R3HDM1: variants seen among roughly 807,000 people sequenced by gnomAD.
R3HDM1 encodes the protein R3H domain containing 1.
A neutral mutation model predicts 141.1 loss-of-function variants in R3HDM1; 46 were observed. The ratio of observed to expected loss-of-function variants is 0.33; its 90% CI spans 0.26 to 0.42. The LOEUF (loss-of-function observed/expected upper bound fraction) is 0.42, where lower values mean the gene tolerates loss of function less well. Among genes scored for constraint, R3HDM1 ranks in the 10% least tolerant of loss-of-function variants. The pLI is 1.00. For missense variants in R3HDM1, 1,184 were observed against 1,368.3 expected (o/e 0.87, Z 2.12); for synonymous variants, 435 against 472.9 (o/e 0.92, Z 1.04).
At chr2:135,578,501 G>A (rs1442400303) in intron 1 of R3HDM1, among the ~76,000 whole-genome samples, 1 of 152,086 alleles carries the variant, frequency 6.6e-6, no homozygotes, top group Admixed American at 6.6e-5. Flanking sequence ...AATTTTTTAC[G>A]TAGTCTCCAG....
intron 20 of R3HDM1, among the ~76,000 whole-genome samples, chr2:135,677,454 A>G (rs1391115084): frequency 2.0e-5 from 3 of 152,126 alleles, no homozygotes; most frequent in Admixed American, 1.3e-4. Flanking sequence ...TGGTTCTACT[A>G]TCTAATCCAA....
chr2:135,566,629 T>G, intron 1 of R3HDM1: 1 of 383,874 alleles, frequency 2.6e-6, no homozygotes, highest in Non-Finnish European at 3.6e-6. Flanking sequence ...TACCAGTATA[T>G]TTTCTTCTTC....
chr2:135,687,903 A>G (rs1268303419), intron 21 of R3HDM1, among the ~76,000 whole-genome samples: 2 of 152,258 alleles, frequency 1.3e-5, no homozygotes, highest in East Asian at 3.8e-4. Flanking sequence ...AGTTACATAA[A>G]GAAAAATATG....
At chr2:135,663,846 G>A (rs2067092811) in intron 19 of R3HDM1, among the ~76,000 whole-genome samples, 1 of 152,064 alleles carries the variant, frequency 6.6e-6, no homozygotes, top group African/African-American at 2.4e-5. Context: ...GGCCAACATT[G>A]TGAAACCCTG....
intron 1 of R3HDM1, chr2:135,534,010 G>A: frequency 1.0e-6 from 1 of 985,274 alleles, no homozygotes; most frequent in African/African-American, 1.7e-5. Flanking sequence ...ATATGCTGAG[G>A]GTGTTGTTGC....
chr2:135,598,243 G>A (rs1294194367), intron 1 of R3HDM1, among the ~76,000 whole-genome samples: 1 of 152,062 alleles, frequency 6.6e-6, no homozygotes, highest in Non-Finnish European at 1.5e-5. Context: ...ATCATCACAG[G>A]CGATAGGAGG....
chr2:135,617,639 A>G (rs1246916610), intron 5 of R3HDM1, among the ~76,000 whole-genome samples: 2 of 152,246 alleles, frequency 1.3e-5, no homozygotes, highest in African/African-American at 2.4e-5. Flanking sequence ...TGCTATGACT[A>G]CTTTTCTGTT....
At chr2:135,682,478 CCCCTATAGTGAG>C (rs1377438994) in intron 21 of R3HDM1, among the ~76,000 whole-genome samples, 1 of 152,120 alleles carries the variant, frequency 6.6e-6, no homozygotes, top group African/African-American at 2.4e-5. Context: ...TATGTTCCTG[CCCCTATAGTGAG>C]CCTTATTTTA....
chr2:135,666,082 A>G (rs769597246), intron 19 of R3HDM1, among the ~76,000 whole-genome samples: 1 of 152,176 alleles, frequency 6.6e-6, no homozygotes, highest in Non-Finnish European at 1.5e-5. Context: ...TTCCAAGTTG[A>G]TTAAGCTTTG....
chr2:135,583,243 A>AT (rs200649600), intron 1 of R3HDM1, among the ~76,000 whole-genome samples: 38 of 151,470 alleles, frequency 2.5e-4, no homozygotes, highest in East Asian at 3.9e-4. Flanking sequence ...CATAATACTG[A>AT]TTTTTTTTTC....
chr2:135,704,767 A>C (rs548600414), intron 21 of R3HDM1, among the ~76,000 whole-genome samples: 56 of 152,224 alleles, frequency 3.7e-4, no homozygotes, highest in Non-Finnish European at 4.4e-4. Context: ...CCTCTTACAG[A>C]GTTTTAATGT....
intron 1 of R3HDM1, chr2:135,584,456 T>C: frequency 8.2e-6 from 7 of 858,692 alleles, no homozygotes; most frequent in Non-Finnish European, 9.8e-6. Context: ...ACCTGTTTCA[T>C]ATTTGTGTTT....
At chr2:135,592,566 A>G (rs982276911) in intron 1 of R3HDM1, among the ~76,000 whole-genome samples, 5 of 152,104 alleles carry the variant, frequency 3.3e-5, no homozygotes, top group Non-Finnish European at 5.9e-5. Flanking sequence ...GAAACAAACA[A>G]AAAAAACTAT....
chr2:135,563,305 ATCT>A (rs764001867), intron 1 of R3HDM1, among the ~76,000 whole-genome samples: 3 of 152,150 alleles, frequency 2.0e-5, no homozygotes, highest in Non-Finnish European at 4.4e-5. Flanking sequence ...AGCAAGAAAA[ATCT>A]TCTTTTTTCT....
intron 7 of R3HDM1, among the ~76,000 whole-genome samples, chr2:135,626,576 A>G (rs543051854): frequency 6.6e-6 from 1 of 152,276 alleles, no homozygotes; most frequent in South Asian, 2.1e-4. Flanking sequence ...TCAGCAAGGA[A>G]CAAAGATTAT....
At chr2:135,578,111 C>G (rs547792996) in intron 1 of R3HDM1, among the ~76,000 whole-genome samples, 1 of 152,266 alleles carries the variant, frequency 6.6e-6, no homozygotes, top group South Asian at 2.1e-4. Flanking sequence ...CAAAATATTG[C>G]AAGTAGCCTA....
At chr2:135,650,558 G>A in intron 17 of R3HDM1, 9 of 982,678 alleles carry the variant, frequency 9.2e-6, no homozygotes, top group Non-Finnish European at 1.1e-5. Flanking sequence ...TTTCCAAGGT[G>A]ACTCTGAGAG....
At position 135,684,311 on chromosome 2, in the gene R3HDM1, A is replaced by G. The variant is rs138344810; in HGVS notation, c.2459+3987A>G. On this transcript the variant is annotated intron_variant, in intron 21 of 26. Coordinates refer to ENST00000683871, the MANE Select transcript of R3HDM1 (RefSeq NM_001378107.1). ...TCACCATGTTAGCCAGGATGGTCTC[A>G]ATCTCCTGACCTCGTGATCCGCCCA... Among the ~76,000 whole-genome samples the G allele has an allele frequency of 4.0e-3, 601 of 152,142 alleles. 4 individuals carry two copies. Among genetic ancestry groups the G allele is most frequent in the African/African-American group, 0.013 (553 of 41,518 alleles).
intron 1 of R3HDM1, among the ~76,000 whole-genome samples, chr2:135,539,888 A>G (rs1199526804): frequency 6.6e-6 from 1 of 152,122 alleles, no homozygotes; most frequent in East Asian, 1.9e-4. Context: ...GGCTGTGGCA[A>G]TATCTGAAAA....
Sources: allele counts gnomAD v4.1 joint callset (sites outside exome capture counted in the v4.1 genomes callset), GRCh38; gene constraint gnomAD v4.1.1; transcripts MANE v1.5; gene names NCBI Gene and HGNC (gene_info 2026-07-23, HGNC 2026-07-21).